KPNA4: variants seen among roughly 807,000 people sequenced by gnomAD.
The protein encoded by KPNA4 is importin subunit alpha-3.
In KPNA4, 13 loss-of-function variants were observed where a neutral mutation model predicts 71.3. That is an observed-to-expected ratio of 0.18 (90% CI 0.12 to 0.29). The LOEUF (loss-of-function observed/expected upper bound fraction) is 0.29. KPNA4 is among the 10% of genes least tolerant of loss of function. The pLI, the probability that KPNA4 is intolerant of heterozygous loss-of-function variation, is 1.00. For missense variants in KPNA4, 334 were observed against 603.2 expected, an observed-to-expected ratio of 0.55 and a Z score of 4.67; for synonymous variants, 189 against 195.2, an observed-to-expected ratio of 0.97 and a Z score of 0.26.
intron 1 of KPNA4, among the ~76,000 whole-genome samples, chr3:160,542,106 G>T: frequency 6.6e-6 from 1 of 152,170 alleles, no homozygotes; most frequent in East Asian, 1.9e-4. Flanking sequence ...AACTATGAAA[G>T]ATGGCATGTG....
Position 160,516,642 on chromosome 3 carries a change from C to T in KPNA4, c.904-1062G>A, listed in dbSNP as rs142158207. Among the ~76,000 whole-genome samples the T allele has an allele frequency of 1.6e-3, 248 of 151,886 alleles. 7 individuals carry two copies. The East Asian group carries it at 0.041, about 25-fold the overall frequency. ...AAAATATTAGCTGGGTGTGGTGGCA[C>T]GAGCCTGTAGTCCCAGCTACTTGGG... On this transcript the variant is annotated intron_variant, in intron 11 of 16. Coordinates refer to ENST00000334256, the MANE Select transcript of KPNA4 (RefSeq NM_002268.5).
chr3:160,527,386 G>A (rs1162637995), intron 8 of KPNA4, among the ~76,000 whole-genome samples: 1 of 152,080 alleles, frequency 6.6e-6, no homozygotes, highest in Non-Finnish European at 1.5e-5. Context: ...AGTAATCACA[G>A]TGTTAAATAT....
intron 16 of KPNA4, among the ~76,000 whole-genome samples, chr3:160,502,725 G>A (rs1171497148): frequency 6.6e-6 from 1 of 152,106 alleles, no homozygotes; most frequent in East Asian, 1.9e-4. Flanking sequence ...TGTAAGACGG[G>A]CATTTTCCAA....
intron 1 of KPNA4, among the ~76,000 whole-genome samples, chr3:160,541,830 T>C (rs760577017): frequency 2.4e-4 from 37 of 152,004 alleles, no homozygotes; most frequent in Non-Finnish European, 4.6e-4. Context: ...CTTAAGGAGG[T>C]AGCACTCTTC....
intron 15 of KPNA4, among the ~76,000 whole-genome samples, chr3:160,505,470 T>C (rs1397979487): frequency 6.6e-6 from 1 of 152,172 alleles, no homozygotes; most frequent in Non-Finnish European, 1.5e-5. Context: ...TTAATAAATA[T>C]GATGCTTAAG....
In KPNA4 at chr3:160,509,756, A is replaced by AT. The variant is rs754838828; in HGVS notation, c.1209+43dup. The AT allele has an allele frequency of 4.1e-6, 5 of 1,222,314 alleles. No homozygotes were observed. The South Asian group carries it at 4.8e-5, about 12-fold the overall frequency. The allele number at this position is 1,222,314 out of a possible 1,614,324, so 75.7% of individuals were successfully genotyped here. ...CTAAATCAATATTACCTGTACTTTT[A>AT]TTTTACCAGTTTTGAGAAATAAATT... On this transcript the variant is annotated intron_variant, in intron 14 of 16. Transcript: ENST00000334256.
rs140251930 is a variant in KPNA4 at position 160,558,571 on chromosome 3, T to C, written c.69+6643A>G. The stretch of plus-strand genomic sequence containing the variant: ...TCTACAGTCCATGTCTTTTAACCCC[T>C]ATACTATAAGGTCCTTTAAGAGCCT... On this transcript the variant is annotated intron_variant, in intron 1 of 16. Transcript: ENST00000334256. 1.7e-3 allele frequency among the ~76,000 whole-genome samples: 264 copies of C among 152,308 alleles called. 1 individual carries two copies. The highest frequency in any genetic ancestry group is 5.9e-3 in the African/African-American group (245 of 41,564).
chr3:160,502,163 C>T lies in KPNA4; in HGVS notation c.1507G>A (p.Gly503Ser), dbSNP rs140254518. Residue 503 changes from glycine to serine, a missense_variant, in exon 17 of 17, where the codon GGC (glycine) becomes AGC (serine). Gly to Ser is a moderately conservative substitution (Grantham distance 56, BLOSUM62 0). Transcript: ENST00000334256. ...GATGAATTGAAACCAAATGTTCCGCCTTGAATTGCCTCTGGAACAAGGCTA... is the reference window on the plus strand; with the variant it reads ...GATGAATTGAAACCAAATGTTCCGCTTTGAATTGCCTCTGGAACAAGGCTA... ...DPSLVPEAIQ[G>S]GTFGFNSSAN... 1.6e-4 allele frequency: 258 copies of T among 1,598,160 alleles called. 1 individual carries two copies. In the African/African-American group the frequency reaches 3.2e-3, roughly 20 times the overall value.
At chr3:160,508,291 AAAT>A (rs757987288) in intron 14 of KPNA4, 22 bp from the exon 15 acceptor site, 1 of 1,543,226 alleles carries the variant, frequency 6.5e-7, no homozygotes, top group South Asian at 1.2e-5. Flanking sequence ...AAACAACATA[AAAT>A]AATGCAATAT....
chr3:160,521,741 G>T, intron 11 of KPNA4, 38 bp downstream of exon 11: 1 of 1,592,514 alleles, frequency 6.3e-7, no homozygotes, highest in Middle Eastern at 2.3e-4. Flanking sequence ...GCAATTAGTG[G>T]TAAGAAATAC....
At chr3:160,548,287 A>G (rs1271904302) in intron 1 of KPNA4, among the ~76,000 whole-genome samples, 1 of 152,160 alleles carries the variant, frequency 6.6e-6, no homozygotes, top group Non-Finnish European at 1.5e-5. Flanking sequence ...TAAAATTTAG[A>G]AAATTTCAGA....
rs151177119 is a variant in KPNA4, at chr3:160,516,685, T to C, written c.904-1105A>G. Among the ~76,000 whole-genome samples, 236 of 151,986 alleles carry C rather than the reference T, an allele frequency of 1.6e-3. 2 individuals are homozygous for C. Among genetic ancestry groups the C allele is most frequent in the Non-Finnish European group, 2.5e-3 (173 of 67,982 alleles). On this transcript the variant is annotated intron_variant, in intron 11 of 16. Transcript: ENST00000334256. ...TACTTGGGAGACTGAGGTGGGAGGA[T>C]TGCTTGAGCCTGGGAGGTCCAGGCT...
intron 15 of KPNA4, among the ~76,000 whole-genome samples, chr3:160,507,439 G>A (rs550517679): frequency 1.9e-3 from 280 of 149,582 alleles, no homozygotes; most frequent in African/African-American, 6.1e-3. Flanking sequence ...GACAGAGGTT[G>A]CAGTGAGCCG....
chr3:160,507,168 A>G (rs1208917429), intron 15 of KPNA4, among the ~76,000 whole-genome samples: 1 of 152,134 alleles, frequency 6.6e-6, no homozygotes, highest in Non-Finnish European at 1.5e-5. Context: ...CTATTGCCCT[A>G]AAGAATAAAA....
intron 5 of KPNA4, among the ~76,000 whole-genome samples, chr3:160,533,344 A>G (rs888162247): frequency 2.5e-4 from 38 of 151,960 alleles, no homozygotes; most frequent in African/African-American, 8.9e-4. Flanking sequence ...TTTAAAATAC[A>G]GTTTTGCCTT....
intron 1 of KPNA4, among the ~76,000 whole-genome samples, chr3:160,556,796 A>C (rs919057428): frequency 6.6e-6 from 1 of 152,226 alleles, no homozygotes. Flanking sequence ...AAAATTATTC[A>C]CAACATTAAG....
rs116394391 is a variant in KPNA4, at chr3:160,559,314, T to C, written c.69+5900A>G. On this transcript the variant is annotated intron_variant, in intron 1 of 16. Transcript: ENST00000334256. Reference sequence around the variant, plus strand: ...AAAAATTGAGCTTCCCAGAGAAAGTTAGAATTTTAGAAAACTTGTATCCAC... The same window carrying C: ...AAAAATTGAGCTTCCCAGAGAAAGTCAGAATTTTAGAAAACTTGTATCCAC... 3.2e-3 allele frequency among the ~76,000 whole-genome samples: 490 copies of C among 152,290 alleles called. 2 individuals carry two copies. Among genetic ancestry groups the C allele is most frequent in the African/African-American group, 0.011 (471 of 41,576 alleles).
Position 160,515,429 on chromosome 3 carries a change from AAGTAGTATTTAAT to A in KPNA4, c.1032+10_1032+22del, listed in dbSNP as rs1419590913. The A allele has an allele frequency of 6.3e-7, 1 of 1,581,446 alleles. No homozygotes were observed. The highest frequency in any genetic ancestry group is 8.6e-7 in the Non-Finnish European group (1 of 1,156,916). Reference sequence around the variant, plus strand: ...GTTAACATTTTAAGTGCTATCTATTAAGTAGTATTTAATAGTACTTACTTTATTAATTTTCTCT... The same window carrying A: ...GTTAACATTTTAAGTGCTATCTATTAAGTACTTACTTTATTAATTTTCTCT... On this transcript the variant is annotated intron_variant, in intron 12 of 16. Transcript: ENST00000334256.
intron 1 of KPNA4, among the ~76,000 whole-genome samples, chr3:160,550,680 T>A (rs1722022674): frequency 6.6e-6 from 1 of 152,226 alleles, no homozygotes; most frequent in Non-Finnish European, 1.5e-5. Context: ...AATTTTCTTC[T>A]ATTCCTAGTT....
Sources: allele counts gnomAD v4.1 joint callset (sites outside exome capture counted in the v4.1 genomes callset), GRCh38; gene constraint gnomAD v4.1.1; transcripts MANE v1.5; gene names NCBI Gene and HGNC (gene_info 2026-07-23, HGNC 2026-07-21).